The following PGBD2 variants were observed in gnomAD, a reference collection of about 807,000 sequenced individuals.
PGBD2 encodes piggyBac transposable element derived 2.
PGBD2 carries 6 observed loss-of-function variants against 8.1 expected under a neutral mutation model. The observed-to-expected ratio is 0.74, with a 90% CI of 0.40 to 1.46. The LOEUF is 1.46. Among genes scored for constraint, PGBD2 ranks in the 40% most tolerant of loss-of-function variants. The pLI is 0.02. For missense variants in PGBD2, 802 were observed against 739.0 expected (o/e 1.09, Z -0.99); for synonymous variants, 318 against 272.2 (o/e 1.17, Z -1.66).
downstream of PGBD2, among the ~76,000 whole-genome samples, chr1:248,920,223 C>A (rs373010129): frequency 2.0e-5 from 3 of 151,986 alleles, no homozygotes; most frequent in Admixed American, 6.5e-5. Context: ...TAGGTATACA[C>A]GTGCCATGGT....
At chr1:248,888,342 C>T in the PGBD2 span, among the ~76,000 whole-genome samples, 4 of 152,314 alleles carry the variant, frequency 2.6e-5, no homozygotes, top group South Asian at 2.1e-4. Flanking sequence ...CTGCTTTCCA[C>T]AGGGGCTGAA....
the PGBD2 span, among the ~76,000 whole-genome samples, chr1:248,875,308 C>CA: frequency 0.091 from 10,050 of 110,020 alleles, 351 homozygotes; most frequent in East Asian, 0.18. Context: ...AAAAACAAAA[C>CA]AAAAAAAAAA....
intron 1 of PGBD2, chr1:248,912,683 T>A (rs1269370162): frequency 2.6e-5 from 4 of 151,838 alleles, no homozygotes; most frequent in Admixed American, 2.0e-4. Context: ...TTGATTCAGA[T>A]TTTTTTTTAA....
At chr1:248,915,170 G>T (rs1438736033) in intron 2 of PGBD2, among the ~76,000 whole-genome samples, 2 of 152,222 alleles carry the variant, frequency 1.3e-5, no homozygotes, top group African/African-American at 2.4e-5. Flanking sequence ...TTGATTTGTT[G>T]TCTGACTCCT....
chr1:248,922,463 C>T (rs1171786204), downstream of PGBD2, among the ~76,000 whole-genome samples: 2 of 152,198 alleles, frequency 1.3e-5, no homozygotes, highest in Non-Finnish European at 2.9e-5. Context: ...TCTCTTGCCT[C>T]ATTGCCCTGG....
the PGBD2 span, among the ~76,000 whole-genome samples, chr1:248,887,491 G>A: frequency 2.4e-4 from 37 of 152,094 alleles, no homozygotes; most frequent in East Asian, 1.5e-3. Flanking sequence ...TATATTGTAC[G>A]CTTCCCAGAG....
Position 248,918,381 on chromosome 1 carries a change from C to T in PGBD2, c.*18C>T. ...TCCGGTGACATCATGAGACATGCTT[C>T]TTTGGTTTATAATGAGATGTTTACA... On this transcript the variant is annotated 3_prime_UTR_variant, in exon 3 of 3. Transcript: ENST00000329291. 6.6e-7 allele frequency: 1 copy of T among 1,522,806 alleles called. No individual in the cohort carries two copies. The highest frequency in any genetic ancestry group is 8.8e-7 in the Non-Finnish European group (1 of 1,136,588). The allele number at this position is 1,522,806 out of a possible 1,614,324, so 94.3% of individuals were successfully genotyped here.
At chr1:248,889,817 T>C in the PGBD2 span, among the ~76,000 whole-genome samples, 4 of 151,558 alleles carry the variant, frequency 2.6e-5, no homozygotes, top group African/African-American at 4.9e-5. Flanking sequence ...TGCAGAAAAA[T>C]GTATGGGAAC....
the PGBD2 span, among the ~76,000 whole-genome samples, chr1:248,925,688 A>G: frequency 6.6e-6 from 1 of 151,744 alleles, no homozygotes; most frequent in South Asian, 2.1e-4. Context: ...CATCTGAGAC[A>G]TCTGTGTTTT....
chr1:248,918,630 A>G lies in PGBD2; in HGVS notation c.*267A>G, dbSNP rs979350992. 1 of 186,448 alleles carries G rather than the reference A, an allele frequency of 5.4e-6. No homozygotes were observed. The highest frequency in any genetic ancestry group is 1.2e-5 in the Non-Finnish European group (1 of 81,760). The allele number at this position is 186,448 out of a possible 1,614,324, so 11.5% of individuals were successfully genotyped here. A position where few individuals can be genotyped will look rare whatever the true frequency, so the allele number is the denominator to read the frequency against. ...ATGGATCACTTTTTATTCAAATAAAAGTTGTGCTTTGGGGTATATTTGAAT... is the reference window on the plus strand; with the variant it reads ...ATGGATCACTTTTTATTCAAATAAAGGTTGTGCTTTGGGGTATATTTGAAT... On this transcript the variant is annotated 3_prime_UTR_variant, in exon 3 of 3. Coordinates refer to ENST00000329291, the MANE Select transcript of PGBD2 (RefSeq NM_170725.3).
chr1:248,888,025 T>TAATTATC, the PGBD2 span, among the ~76,000 whole-genome samples: 3 of 152,234 alleles, frequency 2.0e-5, no homozygotes, highest in Non-Finnish European at 2.9e-5. Flanking sequence ...CTTTTCTGTT[T>TAATTATC]CTGTGTTAAT....
At chr1:248,898,158 G>C in the PGBD2 span, among the ~76,000 whole-genome samples, 3 of 152,200 alleles carry the variant, frequency 2.0e-5, no homozygotes, top group Non-Finnish European at 4.4e-5. Context: ...CCGCCTGCTG[G>C]CTTTGGAGAG....
chr1:248,881,560 G>A, the PGBD2 span, among the ~76,000 whole-genome samples: 1 of 152,134 alleles, frequency 6.6e-6, no homozygotes, highest in African/African-American at 2.4e-5. Context: ...TGATTGTATA[G>A]TATTTGTCAT....
At chr1:248,885,888 G>A in the PGBD2 span, among the ~76,000 whole-genome samples, 2 of 152,278 alleles carry the variant, frequency 1.3e-5, no homozygotes, top group Middle Eastern at 3.4e-3. Context: ...AACACATGCA[G>A]GCCTTGAGAT....
the PGBD2 span, among the ~76,000 whole-genome samples, chr1:248,900,055 C>T: frequency 8.7e-6 from 1 of 115,096 alleles, no homozygotes; most frequent in East Asian, 2.6e-4. Context: ...CTGAATAGAC[C>T]AATAATGAGT....
At chr1:248,927,277 G>C in the PGBD2 span, among the ~76,000 whole-genome samples, 1 of 152,164 alleles carries the variant, frequency 6.6e-6, no homozygotes, top group Non-Finnish European at 1.5e-5. Flanking sequence ...AGGGAGGAGA[G>C]ATTCTCGCAC....
At chr1:248,874,661 G>C in the PGBD2 span, among the ~76,000 whole-genome samples, 1 of 152,200 alleles carries the variant, frequency 6.6e-6, no homozygotes, top group Non-Finnish European at 1.5e-5. Flanking sequence ...CTGTTGCCTA[G>C]AGGGGCGGGT....
chr1:248,922,737 C>G (rs1191779660), downstream of PGBD2, among the ~76,000 whole-genome samples: 1 of 152,122 alleles, frequency 6.6e-6, no homozygotes, highest in Non-Finnish European at 1.5e-5. Flanking sequence ...GTCTTTGGTT[C>G]TGTTTATGTG....
chr1:248,872,884 C>T, the PGBD2 span, among the ~76,000 whole-genome samples: 1 of 152,210 alleles, frequency 6.6e-6, no homozygotes, highest in Admixed American at 6.5e-5. Flanking sequence ...CGCCCGGCTG[C>T]ATGACATATA....
Sources: gnomAD v4.1 joint callset for allele counts (sites outside exome capture counted in the v4.1 genomes callset) on GRCh38, gnomAD v4.1.1 for gene constraint, MANE v1.5 for transcripts, NCBI Gene and HGNC (gene_info 2026-07-23, HGNC 2026-07-21) for gene names.